CD59: variants seen among roughly 807,000 people sequenced by gnomAD.
CD59 encodes CD59 molecule (CD59 blood group).
In CD59, 3 loss-of-function variants were observed where a neutral mutation model predicts 7.0. The ratio of observed to expected loss-of-function variants is 0.43; its 90% confidence interval spans 0.19 to 1.10. The LOEUF is 1.10. Among genes scored for constraint, CD59 ranks in the 50% least tolerant of loss-of-function variants. The pLI is 0.29. For synonymous variants in CD59, 60 were observed against 62.0 expected (o/e 0.97, Z 0.15); for missense variants, 143 against 151.0 (o/e 0.95, Z 0.28).
intron 2 of CD59, 184 bp from the exon 3 acceptor site, chr11:33,717,655 C>A: frequency 1.6e-6 from 1 of 608,630 alleles, no homozygotes; most frequent in Non-Finnish European, 3.0e-6. Flanking sequence ...TTTTTGGACC[C>A]TGATGCAAGC....
In CD59 at chr11:33,705,911, TG is replaced by T. The variant is rs1361557583; in HGVS notation, c.*4214del. On this transcript the variant is annotated 3_prime_UTR_variant, in exon 4 of 4. Coordinates refer to ENST00000642928, the MANE Select transcript of CD59 (RefSeq NM_000611.6). The stretch of plus-strand genomic sequence containing the variant: ...TCTGTAAACCTATAGCCAGCTTGGG[TG>T]GGGCTATTGAGAGTCAGCACCAGCA... 4 of 152,122 alleles carry T rather than the reference TG, an allele frequency of 2.6e-5. No homozygotes were observed. The highest frequency in any genetic ancestry group is 9.7e-5 in the African/African-American group (4 of 41,388). The allele number at this position is 152,122 out of a possible 1,614,324, so 9.4% of individuals were successfully genotyped here.
chr11:33,711,346 T>C (rs1456701495), intron 3 of CD59: 2 of 698,210 alleles, frequency 2.9e-6, no homozygotes, highest in African/African-American at 1.8e-5. Context: ...ATCCAGGATA[T>C]AGAAAACATT....
At chr11:33,732,177 G>A (rs1854437831) in intron 1 of CD59, among the ~76,000 whole-genome samples, 1 of 147,850 alleles carries the variant, frequency 6.8e-6, no homozygotes, top group Admixed American at 6.6e-5. Flanking sequence ...CCCAGTCTTC[G>A]GTATGTCTTT....
In CD59 at chr11:33,707,014, T is replaced by C. The variant is rs1304335647; in HGVS notation, c.*3112A>G. On this transcript the variant is annotated 3_prime_UTR_variant, in exon 4 of 4. Transcript: ENST00000642928. ...GTGACCTTGAGCGATCCAGCTAACT[T>C]TGCATAGTTTCCTCTTGTGTAAAGT... 1 of 152,202 alleles carries C rather than the reference T, an allele frequency of 6.6e-6. No individual in the cohort carries two copies. The highest frequency in any genetic ancestry group is 2.4e-5 in the African/African-American group (1 of 41,432). 9.4% of individuals were successfully genotyped at this position (152,202 alleles called of 1,614,324 possible).
chr11:33,710,331 T>C lies in CD59; in HGVS notation c.182A>G (p.Tyr61Cys). The C allele has an allele frequency of 6.2e-7, 1 of 1,613,946 alleles. No homozygotes were observed. Among genetic ancestry groups the C allele is most frequent in the African/African-American group, 1.3e-5 (1 of 75,056 alleles). ...ATGCTCAAACTTCCAACACTTGTTA[T>C]ACACTTGTAACCCTGTGGGGAGACA... Reference protein sequence around the residue: ...CLITKAGLQVYNKCWKFEHCN... With the variant: ...CLITKAGLQVCNKCWKFEHCN... The change falls in exon 4 of 4, where the codon TAT (tyrosine) becomes TGT (cysteine). Residue 61 changes from tyrosine to cysteine, a missense_variant. Coordinates refer to ENST00000642928, the MANE Select transcript of CD59 (RefSeq NM_000611.6).
intron 1 of CD59, among the ~76,000 whole-genome samples, chr11:33,734,201 G>A (rs1417117433): frequency 2.6e-5 from 4 of 152,180 alleles, no homozygotes; most frequent in Non-Finnish European, 5.9e-5. Flanking sequence ...TCAGTTCACG[G>A]AACAAATTAC....
chr11:33,713,065 C>T (rs1853633783), intron 3 of CD59, among the ~76,000 whole-genome samples: 2 of 151,908 alleles, frequency 1.3e-5, no homozygotes, highest in South Asian at 2.1e-4. Flanking sequence ...ACAAAAAACA[C>T]GCCATCATGG....
Position 33,706,480 on chromosome 11 carries a change from C to CA in CD59, c.*3645dup, listed in dbSNP as rs1164862116. ...ATCTTCCTATCTGGCAGACCCTTTA[C>CA]AAATGCATTATCTCAAGCCTCACAA... On this transcript the variant is annotated 3_prime_UTR_variant, in exon 4 of 4. Coordinates refer to ENST00000642928, the MANE Select transcript of CD59 (RefSeq NM_000611.6). 3 of 145,250 alleles carry CA rather than the reference C, an allele frequency of 2.1e-5. No homozygotes were observed. The highest frequency in any genetic ancestry group is 4.5e-5 in the Non-Finnish European group (3 of 66,964). 9.0% of individuals were successfully genotyped at this position (145,250 alleles called of 1,614,324 possible).
chr11:33,712,513 GA>G (rs1168677541), intron 3 of CD59, among the ~76,000 whole-genome samples: 1 of 152,006 alleles, frequency 6.6e-6, no homozygotes. Flanking sequence ...TATGTTTAGT[GA>G]AAAAAAAGCT....
chr11:33,724,974 T>G (rs930881195), intron 1 of CD59, among the ~76,000 whole-genome samples: 1 of 152,014 alleles, frequency 6.6e-6, no homozygotes, highest in African/African-American at 2.4e-5. Context: ...TATGTGTATG[T>G]GTATGGGGGG....
At chr11:33,721,716 G>A (rs970032404) in intron 2 of CD59, among the ~76,000 whole-genome samples, 1 of 152,234 alleles carries the variant, frequency 6.6e-6, no homozygotes, top group Non-Finnish European at 1.5e-5. Context: ...CCTGGAGCAG[G>A]AGGGAAGAGC....
intron 1 of CD59, among the ~76,000 whole-genome samples, chr11:33,723,918 G>A (rs1305725878): frequency 1.3e-5 from 2 of 152,134 alleles, no homozygotes; most frequent in East Asian, 1.9e-4. Context: ...GGGTATTATA[G>A]TGAGACCCTG....
At chr11:33,734,095 G>A (rs903672505) in intron 1 of CD59, among the ~76,000 whole-genome samples, 1 of 152,226 alleles carries the variant, frequency 6.6e-6, no homozygotes, top group Non-Finnish European at 1.5e-5. Context: ...CAGAGAACTA[G>A]AGCTTTTGAA....
In CD59 at chr11:33,709,336, C is replaced by T. The variant is rs1853441159; in HGVS notation, c.*790G>A. The T allele has an allele frequency of 6.5e-6, 1 of 153,174 alleles. No individual in the cohort carries two copies. The highest frequency in any genetic ancestry group is 2.4e-5 in the African/African-American group (1 of 41,436). 9.5% of individuals were successfully genotyped at this position (153,174 alleles called of 1,614,324 possible). A position where few individuals can be genotyped will look rare whatever the true frequency, so the allele number is the denominator to read the frequency against. On this transcript the variant is annotated 3_prime_UTR_variant, in exon 4 of 4. Transcript: ENST00000642928. ...ACCAGTAACATTTAAAATAAGCACACTTAATACTGCCAGTCACATGTAGTA... is the reference window on the plus strand; with the variant it reads ...ACCAGTAACATTTAAAATAAGCACATTTAATACTGCCAGTCACATGTAGTA...
At chr11:33,711,057 G>GC (rs1404198012) in intron 3 of CD59, among the ~76,000 whole-genome samples, 2 of 151,226 alleles carry the variant, frequency 1.3e-5, no homozygotes, top group African/African-American at 2.4e-5. Context: ...AAAGGTGGGG[G>GC]GGGGGCAGAA....
chr11:33,711,353 C>T, intron 3 of CD59: 1 of 698,306 alleles, frequency 1.4e-6, no homozygotes, highest in Admixed American at 2.0e-5. Flanking sequence ...ATATAGAAAA[C>T]ATTCTTAAAC....
At chr11:33,735,538 T>G (rs972644201) in intron 1 of CD59, among the ~76,000 whole-genome samples, 2 of 152,138 alleles carry the variant, frequency 1.3e-5, no homozygotes, top group Non-Finnish European at 2.9e-5. Flanking sequence ...CGGGTTAATG[T>G]TGTTTTTTGA....
At chr11:33,711,404 G>T (rs1207980678) in intron 3 of CD59, 5 of 701,178 alleles carry the variant, frequency 7.1e-6, no homozygotes, top group Admixed American at 4.0e-5. Context: ...TATGGACAAT[G>T]AGGCCAGTGT....
intron 1 of CD59, among the ~76,000 whole-genome samples, chr11:33,727,577 G>A (rs1057130506): frequency 6.6e-6 from 1 of 152,158 alleles, no homozygotes; most frequent in Non-Finnish European, 1.5e-5. Context: ...TACTGAATGG[G>A]CAAAAACTGG....
Sources: allele counts gnomAD v4.1 joint callset (sites outside exome capture counted in the v4.1 genomes callset), GRCh38; gene constraint gnomAD v4.1.1; transcripts MANE v1.5; gene names NCBI Gene and HGNC (gene_info 2026-07-23, HGNC 2026-07-21).